Variants in GABRG3 observed in about 807,000 individuals in gnomAD.
GABRG3 encodes gamma-aminobutyric acid receptor subunit gamma-3.
In GABRG3, 25 loss-of-function variants were observed where a neutral mutation model predicts 48.8. The observed-to-expected ratio is 0.51, with a 90% CI of 0.37 to 0.72. The LOEUF (loss-of-function observed/expected upper bound fraction) is 0.72, where lower values mean the gene tolerates loss of function less well. Ranked by LOEUF, GABRG3 falls within the 30% of genes least tolerant of loss-of-function variation. The pLI is 0.00. For synonymous variants in GABRG3, 227 were observed against 217.6 expected (o/e 1.04, Z -0.38); for missense variants, 394 against 577.9 (o/e 0.68, Z 3.26).
chr15:27,231,542 T>C (rs1350173599), intron 3 of GABRG3, among the ~76,000 whole-genome samples: 1 of 152,186 alleles, frequency 6.6e-6, no homozygotes, highest in Non-Finnish European at 1.5e-5. Flanking sequence ...CTGAATGTCA[T>C]TGGATTATCT....
intron 3 of GABRG3, among the ~76,000 whole-genome samples, chr15:27,321,889 G>A (rs997968552): frequency 8.5e-5 from 13 of 152,234 alleles, no homozygotes; most frequent in South Asian, 2.1e-4. Flanking sequence ...AAAATGATCC[G>A]CGTGTCGCGG....
At chr15:27,123,510 T>C (rs989736524) in intron 3 of GABRG3, among the ~76,000 whole-genome samples, 1 of 152,258 alleles carries the variant, frequency 6.6e-6, no homozygotes, top group Non-Finnish European at 1.5e-5. Context: ...TGCTGGAGCC[T>C]TGATCTTAGA....
At chr15:27,455,540 T>C (rs572635121) in intron 5 of GABRG3, among the ~76,000 whole-genome samples, 1,932 of 151,696 alleles carry the variant, frequency 0.013, 7 homozygotes, top group African/African-American at 0.045. Flanking sequence ...GTGTATGCTA[T>C]GTGTGGTTTG....
intron 3 of GABRG3, among the ~76,000 whole-genome samples, chr15:27,169,204 C>T (rs1453191518): frequency 6.6e-6 from 1 of 152,176 alleles, no homozygotes; most frequent in East Asian, 1.9e-4. Context: ...ATGAAATGTA[C>T]AATGGGAGAA....
intron 3 of GABRG3, among the ~76,000 whole-genome samples, chr15:27,299,287 A>AAAAAAC (rs922266647): frequency 9.9e-5 from 15 of 152,094 alleles, no homozygotes; most frequent in Non-Finnish European, 1.5e-4. Context: ...TCCATCTCAG[A>AAAAAAC]AAAAACAAAA....
At chr15:27,190,127 C>T (rs1251273927) in intron 3 of GABRG3, among the ~76,000 whole-genome samples, 2 of 152,132 alleles carry the variant, frequency 1.3e-5, no homozygotes, top group African/African-American at 2.4e-5. Context: ...ATTCGGTTTG[C>T]CAGTGTTTTA....
At chr15:27,459,855 G>C (rs1889396464) in intron 5 of GABRG3, among the ~76,000 whole-genome samples, 1 of 152,096 alleles carries the variant, frequency 6.6e-6, no homozygotes, top group African/African-American at 2.4e-5. Context: ...TTTCTTGCTA[G>C]CAAGTGTAAC....
chr15:27,398,096 G>T (rs1217226399), intron 5 of GABRG3, among the ~76,000 whole-genome samples: 2 of 152,112 alleles, frequency 1.3e-5, no homozygotes, highest in Non-Finnish European at 2.9e-5. Flanking sequence ...GAGCCACTGT[G>T]CCCGGCTCTT....
At chr15:27,303,602 C>T (rs560088414) in intron 3 of GABRG3, among the ~76,000 whole-genome samples, 51 of 151,712 alleles carry the variant, frequency 3.4e-4, no homozygotes, top group African/African-American at 1.0e-3. Context: ...GAAAAGGAAA[C>T]GTATCCCAAC....
At chr15:26,972,902 C>G (rs1245291154) in intron 1 of GABRG3, among the ~76,000 whole-genome samples, 1 of 152,138 alleles carries the variant, frequency 6.6e-6, no homozygotes. Flanking sequence ...TTCAAAGAGA[C>G]AGAGCACTCC....
chr15:27,268,633 C>T (rs1250560630), intron 3 of GABRG3, among the ~76,000 whole-genome samples: 8 of 152,058 alleles, frequency 5.3e-5, no homozygotes, highest in Admixed American at 3.3e-4. Flanking sequence ...GATTTAAGGT[C>T]TATCTTTAAT....
At chr15:27,206,543 A>G (rs1888857699) in intron 3 of GABRG3, among the ~76,000 whole-genome samples, 1 of 152,192 alleles carries the variant, frequency 6.6e-6, no homozygotes, top group Non-Finnish European at 1.5e-5. Context: ...TGGGTGCAGT[A>G]TTCTGTAGAT....
chr15:27,241,583 G>A (rs1890128731), intron 3 of GABRG3, among the ~76,000 whole-genome samples: 1 of 152,198 alleles, frequency 6.6e-6, no homozygotes. Flanking sequence ...ACAGGACTGT[G>A]TTGTCATTAA....
intron 3 of GABRG3, among the ~76,000 whole-genome samples, chr15:27,275,977 A>ACATCAGTCTCTGCAT (rs1404594227): frequency 2.0e-5 from 3 of 152,240 alleles, no homozygotes; most frequent in African/African-American, 4.8e-5. Context: ...TGTTGACTGC[A>ACATCAGTCTCTGCAT]CATCAGTCTC....
At chr15:27,232,597 C>G (rs914623032) in intron 3 of GABRG3, among the ~76,000 whole-genome samples, 2 of 152,278 alleles carry the variant, frequency 1.3e-5, no homozygotes, top group Middle Eastern at 3.4e-3. Context: ...AGACCATGTT[C>G]TGAGTGCTGG....
chr15:27,016,240 C>CT (rs34202673), intron 2 of GABRG3, among the ~76,000 whole-genome samples: 62,083 of 140,544 alleles, frequency 0.44, 13,979 homozygotes, highest in Middle Eastern at 0.53. Context: ...TTCTTTCTTT[C>CT]TTTTTTTTTT....
At chr15:27,320,274 A>AGG (rs1893375439) in intron 3 of GABRG3, among the ~76,000 whole-genome samples, 1 of 152,178 alleles carries the variant, frequency 6.6e-6, no homozygotes, top group East Asian at 1.9e-4. Context: ...CCTTTTATTA[A>AGG]GGGCAGGTGA....
chr15:27,387,326 G>A (rs544401310), intron 5 of GABRG3, among the ~76,000 whole-genome samples: 3 of 151,950 alleles, frequency 2.0e-5, no homozygotes, highest in African/African-American at 7.2e-5. Flanking sequence ...TGAGACTCTG[G>A]TATTTAAATC....
At chr15:27,076,664 C>T (rs189116943) in intron 3 of GABRG3, among the ~76,000 whole-genome samples, 2 of 152,132 alleles carry the variant, frequency 1.3e-5, no homozygotes, top group East Asian at 3.9e-4. Flanking sequence ...CCTGGGTGGG[C>T]CCTAATCCAA....
Sources: allele counts gnomAD v4.1 joint callset (sites outside exome capture counted in the v4.1 genomes callset), GRCh38; gene constraint gnomAD v4.1.1; transcripts MANE v1.5; gene names NCBI Gene and HGNC (gene_info 2026-07-23, HGNC 2026-07-21).